SLC31A1: variants seen among roughly 807,000 people sequenced by gnomAD.
The protein encoded by SLC31A1 is high affinity copper uptake protein 1.
Under a neutral mutation model 17.2 loss-of-function variants are expected in SLC31A1, and 5 were observed. That is an observed-to-expected ratio of 0.29 (90% CI 0.15 to 0.61). The LOEUF is 0.61. SLC31A1 is among the 20% of genes least tolerant of loss of function. SLC31A1 has a pLI of 0.86. For missense variants in SLC31A1, 161 were observed against 241.4 expected (o/e 0.67, Z 2.21); for synonymous variants, 76 against 78.8 (o/e 0.96, Z 0.19).
intron 1 of SLC31A1, among the ~76,000 whole-genome samples, chr9:113,243,633 A>C (rs960074645): frequency 6.6e-6 from 1 of 152,050 alleles, no homozygotes; most frequent in Non-Finnish European, 1.5e-5. Flanking sequence ...GCTAGATTCA[A>C]ACTCCCAGGC....
Position 113,238,543 on chromosome 9 carries a change from C to A in SLC31A1, c.-36+16865C>A, listed in dbSNP as rs1831488406. On this transcript the variant is annotated intron_variant, in intron 1 of 4. Coordinates refer to ENST00000374212, the MANE Select transcript of SLC31A1 (RefSeq NM_001859.4). Reference sequence around the variant, plus strand: ...TTGAGGGGCCGAGGCAGGTGGATCACCTGAGGTCAGGAGCTCAAGACCAGC... The same window carrying A: ...TTGAGGGGCCGAGGCAGGTGGATCAACTGAGGTCAGGAGCTCAAGACCAGC... Among the ~76,000 whole-genome samples the A allele has an allele frequency of 2.0e-5, 3 of 152,168 alleles. No individual in the cohort carries two copies. In the South Asian group the frequency reaches 6.2e-4, roughly 31 times the overall value.
rs1831813720 is a variant in SLC31A1, at chr9:113,263,192, A to C, written c.*2719A>C. On this transcript the variant is annotated 3_prime_UTR_variant, in exon 5 of 5. Transcript: ENST00000374212. Reference sequence around the variant, plus strand: ...GAAAATTCAAGGCCAGTTAAGACAAAATGCTATGACTTTGAAATTCACAGA... The same window carrying C: ...GAAAATTCAAGGCCAGTTAAGACAACATGCTATGACTTTGAAATTCACAGA... 1 of 152,212 alleles carries C rather than the reference A, an allele frequency of 6.6e-6. No individual in the cohort carries two copies. Among genetic ancestry groups the C allele is most frequent in the Admixed American group, 6.5e-5 (1 of 15,282 alleles). 9.4% of individuals were successfully genotyped at this position (152,212 alleles called of 1,614,324 possible).
intron 1 of SLC31A1, among the ~76,000 whole-genome samples, chr9:113,223,613 C>T (rs1441837263): frequency 6.6e-6 from 1 of 152,152 alleles, no homozygotes; most frequent in African/African-American, 2.4e-5. Flanking sequence ...TTAGAATACT[C>T]ATAAAATATA....
chr9:113,255,875 A>C, intron 1 of SLC31A1: 1 of 247,842 alleles, frequency 4.0e-6, no homozygotes, highest in Admixed American at 4.8e-5. Context: ...CATATAGACA[A>C]AGTATTTACC....
rs550882798 is a variant in SLC31A1 at position 113,260,540 on chromosome 9, T to C, written c.*67T>C. On this transcript the variant is annotated 3_prime_UTR_variant, in exon 5 of 5. Transcript: ENST00000374212. Reference sequence around the variant, plus strand: ...GTTGTTGAAGACTTGAAGACGTGATTCCTGCTCCAATCATCCCTTCTTGCT... The same window carrying C: ...GTTGTTGAAGACTTGAAGACGTGATCCCTGCTCCAATCATCCCTTCTTGCT... 1.0e-5 allele frequency: 13 copies of C among 1,288,838 alleles called. No homozygotes were observed. The highest frequency in any genetic ancestry group is 1.4e-5 in the Non-Finnish European group (13 of 897,966). 79.8% of individuals were successfully genotyped at this position (1,288,838 alleles called of 1,614,324 possible).
chr9:113,251,276 G>C (rs1174587541), intron 1 of SLC31A1, among the ~76,000 whole-genome samples: 1 of 152,088 alleles, frequency 6.6e-6, no homozygotes, highest in Non-Finnish European at 1.5e-5. Context: ...TAAAAAATTA[G>C]CTGGGCATGG....
chr9:113,230,451 G>C (rs1035436396), intron 1 of SLC31A1, among the ~76,000 whole-genome samples: 8 of 152,102 alleles, frequency 5.3e-5, no homozygotes, highest in Non-Finnish European at 1.0e-4. Context: ...AGGAGACAAG[G>C]CCTCACTATG....
At chr9:113,226,669 T>G (rs1329046130) in intron 1 of SLC31A1, among the ~76,000 whole-genome samples, 1 of 152,138 alleles carries the variant, frequency 6.6e-6, no homozygotes, top group Non-Finnish European at 1.5e-5. Flanking sequence ...GCTTAGGACA[T>G]TATGAAATAC....
intron 3 of SLC31A1, among the ~76,000 whole-genome samples, chr9:113,257,478 A>ATTTTTTTTTTTT (rs532189321): frequency 9.9e-6 from 1 of 101,184 alleles, no homozygotes; most frequent in Non-Finnish European, 1.9e-5. Flanking sequence ...AGAGTGTTTA[A>ATTTTTTTTTTTT]TTTTTTTTTT....
chr9:113,232,443 T>A (rs958711056), intron 1 of SLC31A1, among the ~76,000 whole-genome samples: 1 of 152,108 alleles, frequency 6.6e-6, no homozygotes, highest in Admixed American at 6.6e-5. Context: ...AAAAAATGAC[T>A]GACCACCTGA....
At chr9:113,229,442 C>T (rs568493748) in intron 1 of SLC31A1, among the ~76,000 whole-genome samples, 18 of 152,254 alleles carry the variant, frequency 1.2e-4, no homozygotes, top group East Asian at 1.9e-4. Flanking sequence ...TTTCATAATA[C>T]GTCTTACAGA....
intron 1 of SLC31A1, among the ~76,000 whole-genome samples, chr9:113,240,106 C>G (rs1367848330): frequency 6.6e-6 from 1 of 152,332 alleles, no homozygotes; most frequent in East Asian, 1.9e-4. Flanking sequence ...CACCTGTCCT[C>G]CATCTAAATT....
intron 1 of SLC31A1, among the ~76,000 whole-genome samples, chr9:113,249,586 G>A (rs557478254): frequency 3.3e-5 from 5 of 151,980 alleles, no homozygotes; most frequent in African/African-American, 4.8e-5. Flanking sequence ...GGCTGGTCTC[G>A]AACTCTTGAC....
chr9:113,253,795 AAAGTGGATCTTTGATTAT>A (rs1831689056), intron 1 of SLC31A1, among the ~76,000 whole-genome samples: 4 of 152,008 alleles, frequency 2.6e-5, no homozygotes, highest in Admixed American at 1.3e-4. Context: ...GTCTGGCATG[AAAGTGGATCTTTGATTAT>A]GCCTACCTGA....
At chr9:113,236,954 A>C (rs1233670893) in intron 1 of SLC31A1, among the ~76,000 whole-genome samples, 1 of 152,224 alleles carries the variant, frequency 6.6e-6, no homozygotes, top group Non-Finnish European at 1.5e-5. Context: ...TCAGCATATG[A>C]AAGTTCACAC....
At chr9:113,230,776 C>A (rs1831393559) in intron 1 of SLC31A1, among the ~76,000 whole-genome samples, 1 of 152,144 alleles carries the variant, frequency 6.6e-6, no homozygotes, top group Non-Finnish European at 1.5e-5. Flanking sequence ...AGTCACTAGT[C>A]TTTTGGGGAA....
At position 113,262,254 on chromosome 9, in the gene SLC31A1, C is replaced by T. The variant is rs139543815; in HGVS notation, c.*1781C>T. On this transcript the variant is annotated 3_prime_UTR_variant, in exon 5 of 5. Coordinates refer to ENST00000374212, the MANE Select transcript of SLC31A1 (RefSeq NM_001859.4). ...CCTCCATATAATCATCTTTGTTATT[C>T]GTGGGGGTTTAATTACATTACAAGT... 2,152 of 152,736 alleles carry T rather than the reference C, an allele frequency of 0.014. 35 individuals carry two copies. The highest frequency in any genetic ancestry group is 0.02 in the Middle Eastern group (6 of 294). 9.5% of individuals were successfully genotyped at this position (152,736 alleles called of 1,614,324 possible). A position where few individuals can be genotyped will look rare whatever the true frequency, so the allele number is the denominator to read the frequency against.
At chr9:113,239,055 G>C (rs1254022434) in intron 1 of SLC31A1, among the ~76,000 whole-genome samples, 1 of 152,098 alleles carries the variant, frequency 6.6e-6, no homozygotes, top group Admixed American at 6.6e-5. Flanking sequence ...GATCCCTGTA[G>C]CAATCTCTAT....
chr9:113,221,866 G>C (rs906485334), intron 1 of SLC31A1, among the ~76,000 whole-genome samples, 188 bp downstream of exon 1: 2 of 152,206 alleles, frequency 1.3e-5, no homozygotes, highest in African/African-American at 4.8e-5. Context: ...ACCTTGGGCC[G>C]GGGTGCTCGG....
Sources: gnomAD v4.1 joint callset for allele counts (sites outside exome capture counted in the v4.1 genomes callset) on GRCh38, gnomAD v4.1.1 for gene constraint, MANE v1.5 for transcripts, NCBI Gene and HGNC (gene_info 2026-07-23, HGNC 2026-07-21) for gene names.